TNRC6B: variants seen among roughly 807,000 people sequenced by gnomAD.
TNRC6B encodes trinucleotide repeat-containing gene 6B protein.
A neutral mutation model predicts 203.6 loss-of-function variants in TNRC6B; 52 were observed. That is an observed-to-expected ratio of 0.26 (90% confidence interval 0.20 to 0.32). The LOEUF is 0.32. Ranked by LOEUF, TNRC6B falls within the 10% of genes least tolerant of loss-of-function variation. The pLI is 1.00. For synonymous variants in TNRC6B, 838 were observed against 845.7 expected (o/e 0.99, Z 0.16); for missense variants, 1,923 against 2,286.2 (o/e 0.84, Z 3.24).
At chr22:40,073,796 G>A (rs1601799026) in intron 1 of TNRC6B, among the ~76,000 whole-genome samples, 1 of 152,112 alleles carries the variant, frequency 6.6e-6, no homozygotes, top group South Asian at 2.1e-4. Flanking sequence ...GGTGGCTCAT[G>A]CCTGTAATCC....
At chr22:40,284,447 T>C (rs1467598205) in intron 11 of TNRC6B, among the ~76,000 whole-genome samples, 1 of 152,186 alleles carries the variant, frequency 6.6e-6, no homozygotes, top group Non-Finnish European at 1.5e-5. Flanking sequence ...ATTCAGGGTA[T>C]ATGTATAATA....
chr22:40,104,209 C>G (rs1026919915), intron 1 of TNRC6B, among the ~76,000 whole-genome samples: 2 of 152,088 alleles, frequency 1.3e-5, no homozygotes, highest in Non-Finnish European at 2.9e-5. Flanking sequence ...GGAGATCACA[C>G]CATTGCATTC....
At chr22:40,282,631 C>T (rs540969925) in intron 11 of TNRC6B, among the ~76,000 whole-genome samples, 4 of 151,932 alleles carry the variant, frequency 2.6e-5, no homozygotes, top group Non-Finnish European at 5.9e-5. Context: ...CCAAACTAGC[C>T]GAGCATTAGG....
At chr22:40,117,020 GC>G (rs2068393381) in intron 1 of TNRC6B, 1 of 152,566 alleles carries the variant, frequency 6.6e-6, no homozygotes, top group South Asian at 2.1e-4. Context: ...CTTGCTATGA[GC>G]ATACAGTTCA....
chr22:40,267,086 G>T lies in TNRC6B; in HGVS notation c.2806+50G>T. The T allele has an allele frequency of 2.1e-6, 3 of 1,457,962 alleles. No homozygotes were observed. The South Asian group carries it at 4.4e-5, about 21-fold the overall frequency. 90.3% of individuals were successfully genotyped at this position (1,457,962 alleles called of 1,614,324 possible). Reference sequence around the variant, plus strand: ...CTTTTGATGAAGAAAAGGAATCCTAGACCAAGGCATTTTTATTAGGTGAAT... The same window carrying T: ...CTTTTGATGAAGAAAAGGAATCCTATACCAAGGCATTTTTATTAGGTGAAT... On this transcript the variant is annotated intron_variant, in intron 5 of 22. Transcript: ENST00000454349.
At chr22:40,159,636 C>T (rs1002185186) in intron 4 of TNRC6B, among the ~76,000 whole-genome samples, 1 of 148,198 alleles carries the variant, frequency 6.7e-6, no homozygotes, top group African/African-American at 2.5e-5. Context: ...AAGACTCCAT[C>T]TTAAAACATT....
At chr22:40,312,423 C>A in intron 17 of TNRC6B, 82 bp from the exon 18 acceptor site, 2 of 1,350,864 alleles carry the variant, frequency 1.5e-6, no homozygotes, top group East Asian at 2.4e-5. Flanking sequence ...TTTTCACAGA[C>A]CCATTTCTTA....
At chr22:40,159,820 C>CT (rs940772578) in intron 4 of TNRC6B, among the ~76,000 whole-genome samples, 16 of 150,288 alleles carry the variant, frequency 1.1e-4, no homozygotes, top group Admixed American at 3.3e-4. Flanking sequence ...ATTTCTTTTT[C>CT]TTTTTTTTTG....
intron 17 of TNRC6B, among the ~76,000 whole-genome samples, chr22:40,312,230 G>C (rs2071194617): frequency 6.6e-6 from 1 of 152,224 alleles, no homozygotes; most frequent in Non-Finnish European, 1.5e-5. Flanking sequence ...CAGCCCTGAA[G>C]TCTCCTGGGA....
At chr22:40,255,836 T>G (rs922757696) in intron 3 of TNRC6B, among the ~76,000 whole-genome samples, 1 of 151,138 alleles carries the variant, frequency 6.6e-6, no homozygotes, top group African/African-American at 2.4e-5. Context: ...ATGCAGGTGT[T>G]TGTTTGCTTG....
intron 1 of TNRC6B, among the ~76,000 whole-genome samples, chr22:40,046,983 A>C (rs907903133): frequency 6.6e-6 from 1 of 152,186 alleles, no homozygotes; most frequent in African/African-American, 2.4e-5. Context: ...CCACTTGTTG[A>C]AATGGCAGTA....
At chr22:40,206,203 T>A (rs1384130241) in intron 1 of TNRC6B, among the ~76,000 whole-genome samples, 4 of 152,186 alleles carry the variant, frequency 2.6e-5, no homozygotes, top group African/African-American at 9.6e-5. Flanking sequence ...TACTAAAATA[T>A]CTGATTTCTG....
At chr22:40,185,281 A>C (rs879218533) in intron 1 of TNRC6B, among the ~76,000 whole-genome samples, 1 of 151,980 alleles carries the variant, frequency 6.6e-6, no homozygotes, top group Admixed American at 6.6e-5. Context: ...GAGCCACCAC[A>C]CCTGGCAAGA....
intron 1 of TNRC6B, among the ~76,000 whole-genome samples, chr22:40,066,984 A>T (rs569650026): frequency 1.3e-5 from 2 of 151,504 alleles, no homozygotes; most frequent in Middle Eastern, 3.2e-3. Flanking sequence ...TCTCACTACA[A>T]CTTCAACCTC....
At chr22:40,270,021 A>G in intron 5 of TNRC6B, 101 bp from the exon 6 acceptor site, 1 of 1,163,180 alleles carries the variant, frequency 8.6e-7, no homozygotes, top group Non-Finnish European at 1.2e-6. Context: ...CATTTCTACC[A>G]ACAGAATATA....
chr22:40,290,303 C>T (rs775888729), intron 12 of TNRC6B, among the ~76,000 whole-genome samples: 5 of 152,160 alleles, frequency 3.3e-5, no homozygotes, highest in African/African-American at 9.7e-5. Context: ...TAGAACGTGT[C>T]GGCGTTGCAG....
chr22:40,130,063 T>A (rs2068527630), intron 3 of TNRC6B, among the ~76,000 whole-genome samples: 1 of 152,204 alleles, frequency 6.6e-6, no homozygotes, highest in South Asian at 2.1e-4. Context: ...TTAGGACATT[T>A]GGAAATAAAT....
At chr22:40,262,502 A>G (rs1445019098) in intron 4 of TNRC6B, among the ~76,000 whole-genome samples, 5 of 150,016 alleles carry the variant, frequency 3.3e-5, no homozygotes, top group East Asian at 1.9e-4. Context: ...ATAATTGGAC[A>G]TGGGGCTTGT....
At chr22:40,052,163 C>T (rs2067751902) in intron 1 of TNRC6B, among the ~76,000 whole-genome samples, 1 of 152,184 alleles carries the variant, frequency 6.6e-6, no homozygotes, top group Admixed American at 6.5e-5. Flanking sequence ...CAAGGGGACC[C>T]CAAGATCAAA....
Sources: allele counts gnomAD v4.1 joint callset (sites outside exome capture counted in the v4.1 genomes callset), GRCh38; gene constraint gnomAD v4.1.1; transcripts MANE v1.5; gene names NCBI Gene and HGNC (gene_info 2026-07-23, HGNC 2026-07-21).